LAPTM4B: variants seen among roughly 807,000 people sequenced by gnomAD.
LAPTM4B encodes lysosomal-associated transmembrane protein 4B.
Under a neutral mutation model 28.5 loss-of-function variants are expected in LAPTM4B, and 26 were observed. The observed-to-expected ratio is 0.91, with a 90% confidence interval of 0.67 to 1.27. The LOEUF is 1.27. LAPTM4B is among the 50% of genes most tolerant of loss of function. The probability of loss-of-function intolerance (pLI) is 0.00; values close to 1 mark genes in which losing one functional copy is unlikely to be tolerated. For missense variants in LAPTM4B, 288 were observed against 285.8 expected, an observed-to-expected ratio of 1.01 and a Z score of -0.06; for synonymous variants, 109 against 106.4, an observed-to-expected ratio of 1.02 and a Z score of -0.15.
Position 97,823,320 on chromosome 8 carries a change from C to T in LAPTM4B, c.508-1738C>T, listed in dbSNP as rs573065217. On this transcript the variant is annotated intron_variant, in intron 5 of 6. Transcript: ENST00000521545. ...GAATGCCTATTCTGGGCATTCCATG[C>T]GAATACAATCATCATACAATATGGT... Among the ~76,000 whole-genome samples, 74 of 149,516 alleles carry T rather than the reference C, an allele frequency of 4.9e-4. 1 individual carries two copies. The highest frequency in any genetic ancestry group is 9.6e-4 in the Non-Finnish European group (65 of 67,670).
At chr8:97,779,864 C>T (rs1002930787) in intron 1 of LAPTM4B, among the ~76,000 whole-genome samples, 2 of 151,256 alleles carry the variant, frequency 1.3e-5, no homozygotes, top group Non-Finnish European at 2.9e-5. Flanking sequence ...CCAGTCTGGC[C>T]AAGGTGGTGA....
At chr8:97,821,938 T>G (rs543883240) in intron 5 of LAPTM4B, among the ~76,000 whole-genome samples, 1 of 152,196 alleles carries the variant, frequency 6.6e-6, no homozygotes, top group South Asian at 2.1e-4. Context: ...CAAAAATAAA[T>G]AAATAAATAA....
intron 1 of LAPTM4B, among the ~76,000 whole-genome samples, chr8:97,800,507 T>A (rs1252939355): frequency 2.4e-5 from 2 of 83,266 alleles, no homozygotes; most frequent in Non-Finnish European, 5.7e-5. Flanking sequence ...TTTTTTTTTT[T>A]TTTTGGAGAT....
Position 97,815,385 on chromosome 8 carries a change from C to T in LAPTM4B, c.269C>T (p.Thr90Ile), listed in dbSNP as rs773513693. ...LLMILICAMA[T>I]YGAYKQRAAW... ...ATGATCCTGATATGTGCTATGGCTA[C>T]TTACGGAGCGTACAAGGTAAGCCGC... is the stretch of plus-strand genomic sequence containing the variant. Residue 90 changes from threonine to isoleucine, a missense_variant, in exon 3 of 7, where the codon ACT becomes ATT. Physicochemically the swap from Thr to Ile is moderately conservative, Grantham distance 89. Coordinates refer to ENST00000521545, the MANE Select transcript of LAPTM4B (RefSeq NM_018407.6). The T allele has an allele frequency of 1.9e-6, 3 of 1,613,416 alleles. No individual in the cohort carries two copies. The highest frequency in any genetic ancestry group is 2.5e-6 in the Non-Finnish European group (3 of 1,179,428).
At chr8:97,797,034 G>A (rs555789245) in intron 1 of LAPTM4B, among the ~76,000 whole-genome samples, 1 of 152,182 alleles carries the variant, frequency 6.6e-6, no homozygotes, top group African/African-American at 2.4e-5. Flanking sequence ...AGGCTTCTGT[G>A]GGAGCATCGC....
At chr8:97,809,779 C>T (rs1347587278) in intron 2 of LAPTM4B, among the ~76,000 whole-genome samples, 3 of 152,132 alleles carry the variant, frequency 2.0e-5, no homozygotes, top group African/African-American at 7.2e-5. Context: ...CTGAAGATTT[C>T]ATCCAGCCAG....
chr8:97,812,930 A>G (rs1230897870), intron 2 of LAPTM4B, among the ~76,000 whole-genome samples: 1 of 152,196 alleles, frequency 6.6e-6, no homozygotes, highest in Non-Finnish European at 1.5e-5. Context: ...TCCCCTACTT[A>G]CCTTGATGTT....
Position 97,852,904 on chromosome 8 carries a change from A to G in LAPTM4B, c.*1430A>G. ...ATGAAATAACAATTTCTAGAAATGA[A>G]GAACAATCCGTGGAGAATAAATTAC... On this transcript the variant is annotated 3_prime_UTR_variant, in exon 7 of 7. Coordinates refer to ENST00000521545, the MANE Select transcript of LAPTM4B (RefSeq NM_018407.6). 4.8e-6 allele frequency: 2 copies of G among 420,344 alleles called. No homozygotes were observed. Among genetic ancestry groups the G allele is most frequent in the Non-Finnish European group, 8.5e-6 (2 of 236,018 alleles). 26.0% of individuals were successfully genotyped at this position (420,344 alleles called of 1,614,324 possible).
intron 1 of LAPTM4B, among the ~76,000 whole-genome samples, chr8:97,780,254 T>C (rs2449505): frequency 0.7 from 105,947 of 151,370 alleles, 38,168 homozygotes; most frequent in African/African-American, 0.87. Context: ...GATGAAACCC[T>C]GTTTCTATTA....
At chr8:97,838,505 C>T (rs1376585898) in intron 6 of LAPTM4B, among the ~76,000 whole-genome samples, 3 of 152,160 alleles carry the variant, frequency 2.0e-5, no homozygotes, top group Non-Finnish European at 4.4e-5. Context: ...CCTATTAATT[C>T]CTGTGTTGCA....
In LAPTM4B at chr8:97,825,138, C is replaced by T. The variant is rs536900986; in HGVS notation, c.588C>T (p.Thr196=). The change falls in exon 6 of 7, where the codon ACC becomes ACT. Residue 196 remains threonine, a synonymous_variant. Coordinates refer to ENST00000521545, the MANE Select transcript of LAPTM4B (RefSeq NM_018407.6). The part of the protein sequence containing the change: ...RNSSDVLVYV[T]SNDTTVLLPP... ...CCTCTGATGTCCTGGTTTATGTTAC[C>T]AGCAATGACACTACGGTAGGTATGA... 6.3e-7 allele frequency: 1 copy of T among 1,592,202 alleles called. No individual in the cohort carries two copies. The highest frequency in any genetic ancestry group is 2.2e-5 in the East Asian group (1 of 44,732).
chr8:97,838,619 C>A (rs1817298013), intron 6 of LAPTM4B, among the ~76,000 whole-genome samples: 1 of 152,316 alleles, frequency 6.6e-6, no homozygotes, highest in East Asian at 1.9e-4. Context: ...GCAGGCTGTT[C>A]TGACCCACTC....
At chr8:97,810,756 A>C (rs1007604683) in intron 2 of LAPTM4B, among the ~76,000 whole-genome samples, 4 of 152,228 alleles carry the variant, frequency 2.6e-5, no homozygotes, top group African/African-American at 9.6e-5. Context: ...CCATATTTCT[A>C]ATTAATTTTG....
intron 6 of LAPTM4B, among the ~76,000 whole-genome samples, chr8:97,825,528 T>G (rs867163958): frequency 2.7e-4 from 41 of 152,368 alleles, no homozygotes; most frequent in African/African-American, 8.4e-4. Context: ...ATATGTGAAG[T>G]TAAACCAAGA....
At chr8:97,788,558 A>G (rs1052691077) in intron 1 of LAPTM4B, among the ~76,000 whole-genome samples, 2 of 152,022 alleles carry the variant, frequency 1.3e-5, no homozygotes, top group African/African-American at 4.8e-5. Flanking sequence ...TCAAAAATGA[A>G]TATTTTAACA....
chr8:97,824,725 C>T (rs1817067607), intron 5 of LAPTM4B, among the ~76,000 whole-genome samples: 2 of 152,192 alleles, frequency 1.3e-5, no homozygotes, highest in African/African-American at 2.4e-5. Context: ...AATTCAGGAG[C>T]GATAATGTTA....
chr8:97,776,466 TTTC>T (rs751347775), intron 1 of LAPTM4B, among the ~76,000 whole-genome samples: 6 of 152,236 alleles, frequency 3.9e-5, no homozygotes, highest in Non-Finnish European at 5.9e-5. Context: ...ACGTGTTTCC[TTTC>T]TTCTTAAAGC....
At chr8:97,819,924 A>T (rs193076704) in intron 5 of LAPTM4B, among the ~76,000 whole-genome samples, 1 of 151,838 alleles carries the variant, frequency 6.6e-6, no homozygotes, top group East Asian at 1.9e-4. Flanking sequence ...TTTAGTAGAG[A>T]TGGGGTTTCA....
intron 1 of LAPTM4B, among the ~76,000 whole-genome samples, chr8:97,798,930 G>A (rs1816631354): frequency 6.6e-6 from 1 of 152,182 alleles, no homozygotes; most frequent in African/African-American, 2.4e-5. Flanking sequence ...TAAAATCGAC[G>A]TCGTCATAGT....
Sources: gnomAD v4.1 joint callset for allele counts (sites outside exome capture counted in the v4.1 genomes callset) on GRCh38, gnomAD v4.1.1 for gene constraint, MANE v1.5 for transcripts, NCBI Gene and HGNC (gene_info 2026-07-23, HGNC 2026-07-21) for gene names.